Variants in CLSTN2 observed in about 807,000 individuals in gnomAD.
The protein encoded by CLSTN2 is calsyntenin 2, also known as calsyntenin-2.
Under a neutral mutation model 101.2 loss-of-function variants are expected in CLSTN2, and 48 were observed. The observed-to-expected ratio is 0.47, with a 90% CI of 0.38 to 0.60. The LOEUF (loss-of-function observed/expected upper bound fraction) is 0.60. CLSTN2 is among the 20% of genes least tolerant of loss of function. The pLI is 0.00. For synonymous variants in CLSTN2, 481 were observed against 463.6 expected (o/e 1.04, Z -0.48); for missense variants, 1,160 against 1,238.2 (o/e 0.94, Z 0.95).
chr3:140,065,977 C>T (rs2008292292), intron 1 of CLSTN2, among the ~76,000 whole-genome samples: 1 of 152,208 alleles, frequency 6.6e-6, no homozygotes, highest in Admixed American at 6.5e-5. Context: ...GCATTCACTA[C>T]CCCATATAAC....
chr3:140,266,900 TGTTA>T (rs1022418513), intron 2 of CLSTN2, among the ~76,000 whole-genome samples: 3 of 152,290 alleles, frequency 2.0e-5, no homozygotes, highest in African/African-American at 7.2e-5. Context: ...CAACTCTGGT[TGTTA>T]GTTGTTGTCT....
At chr3:140,332,705 CAAAA>C (rs66752830) in intron 2 of CLSTN2, among the ~76,000 whole-genome samples, 3 of 139,232 alleles carry the variant, frequency 2.2e-5, no homozygotes. Flanking sequence ...TCTTTTCTGG[CAAAA>C]AAAAAAAAAA....
chr3:140,189,882 A>T (rs1045942470), intron 2 of CLSTN2, among the ~76,000 whole-genome samples: 4 of 152,178 alleles, frequency 2.6e-5, no homozygotes, highest in Non-Finnish European at 4.4e-5. Context: ...AAGCTGCCAT[A>T]AAAAAATACC....
chr3:140,463,612 G>C (rs138763628), intron 7 of CLSTN2, among the ~76,000 whole-genome samples: 3 of 152,318 alleles, frequency 2.0e-5, no homozygotes, highest in East Asian at 3.9e-4. Flanking sequence ...TCCTGGAAAG[G>C]CCTGACTCAT....
intron 1 of CLSTN2, among the ~76,000 whole-genome samples, chr3:139,941,959 C>T (rs1935139351): frequency 1.3e-5 from 2 of 152,164 alleles, no homozygotes; most frequent in South Asian, 4.1e-4. Context: ...GAGGAGTAAA[C>T]TGAGTCACTG....
chr3:140,233,645 A>G (rs567175689), intron 2 of CLSTN2, among the ~76,000 whole-genome samples: 3 of 152,362 alleles, frequency 2.0e-5, no homozygotes, highest in South Asian at 2.1e-4. Context: ...TTTCCCTGCC[A>G]TAAATGGTCT....
intron 1 of CLSTN2, among the ~76,000 whole-genome samples, chr3:139,957,884 T>C (rs1422192633): frequency 6.6e-6 from 1 of 151,782 alleles, no homozygotes; most frequent in African/African-American, 2.4e-5. Flanking sequence ...GGAAACTTTC[T>C]TGGGCACTCA....
intron 8 of CLSTN2, among the ~76,000 whole-genome samples, chr3:140,477,736 T>C (rs1934019068): frequency 6.6e-6 from 1 of 152,244 alleles, no homozygotes; most frequent in South Asian, 2.1e-4. Flanking sequence ...TTTAGATAGT[T>C]TGGCAGAACT....
At chr3:140,523,857 C>T (rs1935084854) in intron 8 of CLSTN2, among the ~76,000 whole-genome samples, 1 of 152,194 alleles carries the variant, frequency 6.6e-6, no homozygotes, top group Non-Finnish European at 1.5e-5. Context: ...TCTGTTCAAC[C>T]ACACTCACAT....
chr3:140,305,937 T>C (rs1372423740), intron 2 of CLSTN2, among the ~76,000 whole-genome samples: 1 of 152,186 alleles, frequency 6.6e-6, no homozygotes, highest in African/African-American at 2.4e-5. Flanking sequence ...GCAGTGAACA[T>C]GTGTTACTTT....
At chr3:140,199,121 C>T (rs2010685992) in intron 2 of CLSTN2, among the ~76,000 whole-genome samples, 1 of 152,186 alleles carries the variant, frequency 6.6e-6, no homozygotes, top group Non-Finnish European at 1.5e-5. Context: ...GAAAATCAGT[C>T]TAGTCTCGGG....
intron 1 of CLSTN2, among the ~76,000 whole-genome samples, chr3:140,022,800 G>C (rs1311276082): frequency 2.6e-5 from 4 of 152,158 alleles, no homozygotes; most frequent in Non-Finnish European, 2.9e-5. Context: ...CTTAATTCCT[G>C]TTTGGTCCCA....
intron 1 of CLSTN2, among the ~76,000 whole-genome samples, chr3:140,065,933 GGTTTTCAT>G (rs1223390038): frequency 2.0e-5 from 3 of 152,082 alleles, no homozygotes; most frequent in Admixed American, 6.6e-5. Context: ...GGGAACTAAT[GGTTTTCAT>G]GTTTTCATGA....
chr3:140,015,189 C>T (rs2007176588), intron 1 of CLSTN2, among the ~76,000 whole-genome samples: 1 of 152,184 alleles, frequency 6.6e-6, no homozygotes. Context: ...AGCAAATCTG[C>T]CCTAACTTTG....
At chr3:139,957,646 A>G (rs1207386832) in intron 1 of CLSTN2, among the ~76,000 whole-genome samples, 1 of 152,182 alleles carries the variant, frequency 6.6e-6, no homozygotes, top group Non-Finnish European at 1.5e-5. Context: ...AAGTGATTTA[A>G]TGAGATGGTC....
chr3:140,136,597 A>G (rs1320259), intron 1 of CLSTN2, among the ~76,000 whole-genome samples: 113,244 of 152,114 alleles, frequency 0.74, 44,079 homozygotes, highest in East Asian at 0.92. Context: ...GGTCAAAGGT[A>G]CTTGAGCTGG....
At chr3:139,976,915 C>T (rs1935828386) in intron 1 of CLSTN2, among the ~76,000 whole-genome samples, 1 of 152,172 alleles carries the variant, frequency 6.6e-6, no homozygotes, top group Non-Finnish European at 1.5e-5. Context: ...GGCAAATATT[C>T]AGTTTACTCC....
chr3:140,343,325 C>A (rs936525117), intron 2 of CLSTN2, among the ~76,000 whole-genome samples: 11 of 152,158 alleles, frequency 7.2e-5, no homozygotes, highest in Admixed American at 2.0e-4. Context: ...GCTCTGAGAA[C>A]CTTTTAATTC....
intron 2 of CLSTN2, among the ~76,000 whole-genome samples, chr3:140,177,061 G>A (rs943038217): frequency 2.0e-5 from 3 of 152,176 alleles, no homozygotes; most frequent in African/African-American, 4.8e-5. Context: ...GAGCGAGAAG[G>A]TAGTTATATT....
Sources: allele counts gnomAD v4.1 joint callset (sites outside exome capture counted in the v4.1 genomes callset), GRCh38; gene constraint gnomAD v4.1.1; transcripts MANE v1.5; gene names NCBI Gene and HGNC (gene_info 2026-07-23, HGNC 2026-07-21).